STARD9: variants seen among roughly 807,000 people sequenced by gnomAD.
STARD9 encodes stAR-related lipid transfer protein 9.
In STARD9, 346 loss-of-function variants were observed where a neutral mutation model predicts 399.8. The observed-to-expected ratio is 0.87, with a 90% CI of 0.79 to 0.95. The LOEUF is 0.95. STARD9 is among the 40% of genes least tolerant of loss of function. STARD9 has a pLI of 0.00. For synonymous variants in STARD9, 2,203 were observed against 2,143.5 expected, an observed-to-expected ratio of 1.03 and a Z score of -0.77; for missense variants, 5,832 against 5,667.5, an observed-to-expected ratio of 1.03 and a Z score of -0.93.
At position 42,693,826 on chromosome 15, in the gene STARD9, A is replaced by G; in HGVS notation, c.12248A>G (p.Gln4083Arg). ...CGACCTTCTTCATGGGGAGGCCTCC[A>G]GCACCTCAGCCCCTGCCCTGTCTCT... ...LDRPSSWGGLQHLSPCPVSEL... is the reference protein window; with the variant it reads ...LDRPSSWGGLRHLSPCPVSEL... Residue 4083 changes from glutamine (Q) to arginine (R), a missense_variant, in exon 23 of 33, where the codon CAG becomes CGG. Gln to Arg is a conservative substitution (Grantham distance 43). This residue lies in a region of STARD9 where 5,828 missense variants were observed against 5,651.1 expected (regional missense o/e 1.03). Transcript: ENST00000290607. 1 of 1,536,634 alleles carries G rather than the reference A, an allele frequency of 6.5e-7. No homozygotes were observed. The highest frequency in any genetic ancestry group is 8.7e-7 in the Non-Finnish European group (1 of 1,146,726).
intron 18 of STARD9, among the ~76,000 whole-genome samples, chr15:42,675,223 C>T (rs1347300228): frequency 6.6e-6 from 1 of 152,246 alleles, no homozygotes; most frequent in Non-Finnish European, 1.5e-5. Flanking sequence ...TGAGCCTCAA[C>T]TTTCCTCATC....
At chr15:42,682,685 A>T in intron 22 of STARD9, 110 bp downstream of exon 22, 1 of 814,204 alleles carries the variant, frequency 1.2e-6, no homozygotes. Context: ...TGTGAAATGG[A>T]AGAATGTGTA....
chr15:42,575,792 G>A, intron 1 of STARD9, 30 bp downstream of exon 1: 1 of 1,535,866 alleles, frequency 6.5e-7, no homozygotes, highest in South Asian at 1.2e-5. Context: ...GGCGCCTGAG[G>A]CTTCACAGGA....
intron 9 of STARD9, among the ~76,000 whole-genome samples, chr15:42,660,252 T>C (rs1013159111): frequency 2.0e-5 from 3 of 152,162 alleles, no homozygotes; most frequent in African/African-American, 7.2e-5. Flanking sequence ...AAAACTACAT[T>C]CGGTTGATGA....
intron 7 of STARD9, among the ~76,000 whole-genome samples, chr15:42,644,501 A>AG (rs1470575476): frequency 6.6e-6 from 1 of 152,174 alleles, no homozygotes; most frequent in Non-Finnish European, 1.5e-5. Context: ...TAAAAAAAAA[A>AG]AAAATGTACA....
chr15:42,646,660 T>G (rs148437368), intron 7 of STARD9, among the ~76,000 whole-genome samples: 1 of 152,356 alleles, frequency 6.6e-6, no homozygotes, highest in Non-Finnish European at 1.5e-5. Flanking sequence ...TTTCTTCATA[T>G]CAGCAAGAAG....
In STARD9 at chr15:42,638,773, C is replaced by CG; in HGVS notation, c.523dup (p.Val175GlyfsTer23). ...TGGTCAAAAAAAGTCCTATACCCTG[C>CG]GGGTCAGGGAGCATCCAGAGATGGG... On this transcript the variant is annotated frameshift_variant, in exon 7 of 33. Transcript: ENST00000290607. LOFTEE classifies it high-confidence loss of function. 2.6e-6 allele frequency: 4 copies of CG among 1,535,716 alleles called. No individual in the cohort carries two copies. Among genetic ancestry groups the CG allele is most frequent in the Non-Finnish European group, 3.5e-6 (4 of 1,145,878 alleles).
intron 26 of STARD9, among the ~76,000 whole-genome samples, chr15:42,709,213 T>C: frequency 6.6e-6 from 1 of 151,962 alleles, no homozygotes; most frequent in Non-Finnish European, 1.5e-5. Flanking sequence ...CTAGGCAACA[T>C]AGTGATACGC....
Position 42,684,994 on chromosome 15 carries a change from C to T in STARD9, c.3416C>T (p.Ser1139Phe). 6.5e-7 allele frequency: 1 copy of T among 1,537,104 alleles called. No individual in the cohort carries two copies. Among genetic ancestry groups the T allele is most frequent in the Admixed American group, 2.0e-5 (1 of 50,998 alleles). Residue 1139 changes from serine to phenylalanine, a missense_variant, in exon 23 of 33, where the codon TCT (serine) becomes TTT (phenylalanine). Transcript: ENST00000290607. ...TGGGATTTCCCAGAGCCAGAGAACT[C>T]TGAAAGTGATGACAGCCAACTATCT... ...RKWDFPEPEN[S>F]ESDDSQLSED... is the part of the protein sequence containing the mutation.
chr15:42,691,734 G>T lies in STARD9; in HGVS notation c.10156G>T (p.Ala3386Ser). ...SLQAEDSNQKASSRLDDGTTD... is the reference protein window; with the variant it reads ...SLQAEDSNQKSSSRLDDGTTD... The stretch of plus-strand genomic sequence containing the variant: ...GCAGGCTGAGGACAGCAATCAGAAA[G>T]CCTCATCTCGCTTGGATGATGGGAC... The change falls in exon 23 of 33, where the codon GCC becomes TCC. Residue 3386 changes from alanine to serine, a missense_variant. By Grantham distance (99) the Ala-to-Ser change is moderately conservative (BLOSUM62 1). Around this residue, in one of 2 missense-constraint regions of STARD9, gnomAD observed 5,828 missense variants for 5,651.1 expected, o/e 1.03. Coordinates refer to ENST00000290607, the MANE Select transcript of STARD9 (RefSeq NM_020759.3). 6.5e-7 allele frequency: 1 copy of T among 1,537,240 alleles called. No individual in the cohort carries two copies. Among genetic ancestry groups the T allele is most frequent in the Non-Finnish European group, 8.7e-7 (1 of 1,146,902 alleles).
rs1378038759 is a variant in STARD9, at chr15:42,691,878, C to T, written c.10300C>T (p.Gln3434Ter). ...GATGTCTGGTACTTTGGAACAAGCCCAACAGGGAAAGCGAGAGAAACTGGG... is the reference window on the plus strand; with the variant it reads ...GATGTCTGGTACTTTGGAACAAGCCTAACAGGGAAAGCGAGAGAAACTGGG... ...SWMSGTLEQA[Q>*]QGKREKLGVQ... Residue 3434 changes from glutamine to a stop codon, truncating the protein, a stop_gained, in exon 23 of 33, where the codon CAA becomes TAA. Transcript: ENST00000290607. LOFTEE classifies it high-confidence loss of function. The T allele has an allele frequency of 1.3e-6, 2 of 1,537,128 alleles. No homozygotes were observed. Among genetic ancestry groups the T allele is most frequent in the Non-Finnish European group, 1.7e-6 (2 of 1,146,930 alleles).
chr15:42,705,752 T>G (rs963395048), intron 26 of STARD9, among the ~76,000 whole-genome samples: 5 of 151,386 alleles, frequency 3.3e-5, no homozygotes, highest in East Asian at 1.9e-4. Flanking sequence ...GTTGTTTGTT[T>G]GTTTATTTTT....
At chr15:42,674,802 C>G (rs1595748815) in intron 17 of STARD9, 25 bp from the exon 18 acceptor site, 1 of 1,503,108 alleles carries the variant, frequency 6.7e-7, no homozygotes, top group Non-Finnish European at 8.8e-7. Context: ...TCCTCCCACC[C>G]AAGTGACCAC....
At chr15:42,694,386 G>A in intron 23 of STARD9, 44 bp downstream of exon 23, 1 of 1,535,778 alleles carries the variant, frequency 6.5e-7, no homozygotes. Context: ...GGGGTGGGCT[G>A]TGAGGAAAGA....
intron 16 of STARD9, chr15:42,672,923 C>T (rs1448743935): frequency 2.0e-5 from 3 of 151,904 alleles, no homozygotes; most frequent in Admixed American, 2.0e-4. Context: ...CATGGCGAAA[C>T]CCTGTCTCTA....
rs148698759 is a variant in STARD9 at position 42,611,210 on chromosome 15, C to T, written c.235-23646C>T. On this transcript the variant is annotated intron_variant, in intron 3 of 32. Coordinates refer to ENST00000290607, the MANE Select transcript of STARD9 (RefSeq NM_020759.3). ...AGATTTTTTGAAATACAGCCATGTC[C>T]ATTAGTTTATGTAATATTTGTGGAT... Among the ~76,000 whole-genome samples, 736 of 152,272 alleles carry T rather than the reference C, an allele frequency of 4.8e-3. 10 individuals carry two copies. Among genetic ancestry groups the T allele is most frequent in the African/African-American group, 0.017 (707 of 41,526 alleles).
Position 42,688,635 on chromosome 15 carries a change from C to T in STARD9, c.7057C>T (p.Leu2353=). Residue 2353 remains leucine, a synonymous_variant, in exon 23 of 33, where the codon CTA becomes TTA. Coordinates refer to ENST00000290607, the MANE Select transcript of STARD9 (RefSeq NM_020759.3). ...PRRCLHVPVA[L]GISSLDCVLD... ...AAGGTGTCTTCATGTACCTGTTGCT[C>T]TAGGCATCTCTTCACTTGACTGTGT... is the stretch of plus-strand genomic sequence containing the variant. The T allele has an allele frequency of 6.5e-6, 10 of 1,537,580 alleles. No individual in the cohort carries two copies. Among genetic ancestry groups the T allele is most frequent in the Non-Finnish European group, 8.7e-6 (10 of 1,147,002 alleles).
chr15:42,704,392 A>G (rs1273694939), intron 26 of STARD9, among the ~76,000 whole-genome samples: 1 of 152,224 alleles, frequency 6.6e-6, no homozygotes, highest in Admixed American at 6.5e-5. Flanking sequence ...TGGTGAGGTC[A>G]TAGTTCCCTT....
In STARD9 at chr15:42,689,550, G is replaced by C; in HGVS notation, c.7972G>C (p.Glu2658Gln). Reference protein sequence around the residue: ...ESLPNTETDREPWDPVQAFSH... With the variant: ...ESLPNTETDRQPWDPVQAFSH... ...TCTGCCCAATACGGAAACTGACAGA[G>C]AGCCATGGGATCCTGTGCAGGCTTT... Residue 2658 changes from glutamate to glutamine, a missense_variant, in exon 23 of 33, where the codon GAG becomes CAG. Transcript: ENST00000290607. The C allele has an allele frequency of 6.5e-7, 1 of 1,537,290 alleles. No individual in the cohort carries two copies. Among genetic ancestry groups the C allele is most frequent in the Non-Finnish European group, 8.7e-7 (1 of 1,146,906 alleles).
Sources: gnomAD v4.1 joint callset for allele counts (sites outside exome capture counted in the v4.1 genomes callset) on GRCh38, gnomAD v4.1.1 for gene constraint, gnomAD v4.1.1 regional missense constraint, MANE v1.5 for transcripts, NCBI Gene and HGNC (gene_info 2026-07-23, HGNC 2026-07-21) for gene names.